Variants in SPDYE16 observed in about 807,000 individuals in gnomAD.
SPDYE16 encodes the protein speedy/RINGO cell cycle regulator family member E16.
In SPDYE16, 5 loss-of-function variants were observed where a neutral mutation model predicts 40.1. The observed-to-expected ratio is 0.12, with a 90% confidence interval of 0.07 to 0.26. SPDYE16 has a LOEUF of 0.26. Ranked by LOEUF, SPDYE16 falls within the 10% of genes least tolerant of loss-of-function variation. SPDYE16 has a pLI of 1.00. For synonymous variants in SPDYE16, 40 were observed against 154.2 expected (o/e 0.26, Z 5.49); for missense variants, 98 against 409.8 (o/e 0.24, Z 6.57).
chr7:76,539,775 C>G (rs1241913919), intron 3 of SPDYE16, among the ~76,000 whole-genome samples: 1 of 113,370 alleles, frequency 8.8e-6, no homozygotes. Flanking sequence ...GGGTTTTGCT[C>G]TGTCACCCAG....
At position 76,541,388 on chromosome 7, in the gene SPDYE16, A is replaced by T. The variant is rs3901999; in HGVS notation, c.72T>A (p.Pro24=). 29 of 1,533,868 alleles carry T rather than the reference A, an allele frequency of 1.9e-5. No individual in the cohort carries two copies. The highest frequency in any genetic ancestry group is 1.3e-4 in the South Asian group (11 of 83,948). Residue 24 remains proline, a synonymous_variant, in exon 2 of 9, where the codon CCT becomes CCA. Coordinates refer to ENST00000633306, the MANE Select transcript of SPDYE16 (RefSeq NM_001394943.1). ...GGGGACTCTGCTCATTCTGGGGGTG[A>T]GGTTGACGGCTGGTCGTGATCTTTC... ...IKGKITTSRQ[P]HPQNEQSPQR...
chr7:76,537,088 T>C (rs781617218), intron 5 of SPDYE16, among the ~76,000 whole-genome samples: 5,064 of 39,632 alleles, frequency 0.13, no homozygotes, highest in East Asian at 0.35. Context: ...GGCTGACGTC[T>C]ATAATCTCAG....
chr7:76,539,081 T>TTTG (rs1813106174), intron 3 of SPDYE16, among the ~76,000 whole-genome samples: 8 of 67,798 alleles, frequency 1.2e-4, no homozygotes, highest in East Asian at 3.9e-4. Context: ...TTTTTTTTTT[T>TTTG]TTGTTGTTGT....
In SPDYE16 at chr7:76,541,454, G is replaced by C; in HGVS notation, c.6C>G (p.Asp2Glu). The C allele has an allele frequency of 6.5e-7, 1 of 1,534,444 alleles. No homozygotes were observed. Among genetic ancestry groups the C allele is most frequent in the South Asian group, 1.2e-5 (1 of 83,934 alleles). ...TCTTACGGAACCTAGTCTCCGTTCTGTCCATGGCCTTCTTCTGGACACTGC... is the reference window on the plus strand; with the variant it reads ...TCTTACGGAACCTAGTCTCCGTTCTCTCCATGGCCTTCTTCTGGACACTGC... Reference protein sequence around the residue: MDRTETRFRKRG... With the variant: MERTETRFRKRG... The change falls in exon 2 of 9, where the codon GAC becomes GAG. Residue 2 changes from aspartate to glutamate, a missense_variant. By Grantham distance (45) the Asp-to-Glu change is conservative. Coordinates refer to ENST00000633306, the MANE Select transcript of SPDYE16 (RefSeq NM_001394943.1).
chr7:76,534,077 T>C lies in SPDYE16; in HGVS notation c.798A>G (p.Lys266=), dbSNP rs1812982602. 6.4e-7 allele frequency: 1 copy of C among 1,569,938 alleles called. No individual in the cohort carries two copies. The highest frequency in any genetic ancestry group is 1.6e-5 in the African/African-American group (1 of 63,148). Residue 266 remains lysine (K), a synonymous_variant, in exon 7 of 9, where the codon AAA becomes AAG. Coordinates refer to ENST00000633306, the MANE Select transcript of SPDYE16 (RefSeq NM_001394943.1). ...CATACAGGAAGTAGAAGATGTTTTGTTTGGGGTCCTCGTCGTCCTCCTCCA... is the reference window on the plus strand; with the variant it reads ...CATACAGGAAGTAGAAGATGTTTTGCTTGGGGTCCTCGTCGTCCTCCTCCA... The part of the protein sequence containing the change: ...NDMEEDDEDP[K]QNIFYFLYGK...
chr7:76,534,687 G>A (rs1225636274), intron 6 of SPDYE16, among the ~76,000 whole-genome samples: 3 of 146,440 alleles, frequency 2.0e-5, no homozygotes, highest in Admixed American at 6.9e-5. Context: ...CCCAGGAGGC[G>A]GAGGTTGCAG....
intron 6 of SPDYE16, among the ~76,000 whole-genome samples, chr7:76,535,698 T>C (rs1813025281): frequency 2.6e-5 from 1 of 38,176 alleles, no homozygotes; most frequent in African/African-American, 1.7e-4. Context: ...TTTTTTGGCT[T>C]TTTTTTTTTT....
chr7:76,541,272 C>A (rs1308804048), intron 2 of SPDYE16, 28 bp downstream of exon 2: 1 of 1,532,740 alleles, frequency 6.5e-7, no homozygotes, highest in African/African-American at 1.4e-5. Flanking sequence ...CAATCCTATC[C>A]CACCTCTTCT....
rs1813179750 is a variant in SPDYE16 at position 76,541,369 on chromosome 7, T to C, written c.91A>G (p.Ser31Gly). The C allele has an allele frequency of 6.5e-6, 10 of 1,534,826 alleles. No individual in the cohort carries two copies. Among genetic ancestry groups the C allele is most frequent in the Non-Finnish European group, 8.7e-6 (10 of 1,146,636 alleles). Residue 31 changes from serine to glycine, a missense_variant, in exon 2 of 9, where the codon AGT becomes GGT. By Grantham distance (56) the Ser-to-Gly change is moderately conservative. Transcript: ENST00000633306. ...TACCCCGAGGTGCTCCGCTGGGGAC[T>C]CTGCTCATTCTGGGGGTGAGGTTGA... ...SRQPHPQNEQSPQRSTSGYSL... is the reference protein window; with the variant it reads ...SRQPHPQNEQGPQRSTSGYSL...
chr7:76,533,294 C>G, intron 8 of SPDYE16: 1 of 665,680 alleles, frequency 1.5e-6, no homozygotes, highest in Non-Finnish European at 1.9e-6. Flanking sequence ...TCACTGAACC[C>G]TCGACCCAAA....
chr7:76,540,932 G>C (rs374209569), intron 2 of SPDYE16, among the ~76,000 whole-genome samples: 1 of 143,824 alleles, frequency 7.0e-6, no homozygotes, highest in Admixed American at 6.9e-5. Context: ...ACCCTCCTCA[G>C]GTTCTCCTTC....
rs1584284798 is a variant in SPDYE16 at position 76,533,937 on chromosome 7, C to T, written c.938G>A (p.Arg313Gln). The T allele has an allele frequency of 1.2e-5, 17 of 1,393,454 alleles. 1 individual carries two copies. The East Asian group carries it at 3.3e-4, about 27-fold the overall frequency. 86.3% of individuals were successfully genotyped at this position (1,393,454 alleles called of 1,614,324 possible). ...RSQIALFQKL[R>Q]FQFFCSMSGR... Reference sequence around the variant, plus strand: ...GCTCATGGAACAGAAGAACTGGAACCGAAGTTTCTGGAACAGGGCTATCTG... The same window carrying T: ...GCTCATGGAACAGAAGAACTGGAACTGAAGTTTCTGGAACAGGGCTATCTG... Residue 313 changes from arginine (R) to glutamine (Q), a missense_variant, in exon 7 of 9, where the codon CGG becomes CAG. Transcript: ENST00000633306.
chr7:76,541,144 A>G (rs1813171591), intron 2 of SPDYE16, among the ~76,000 whole-genome samples, 156 bp downstream of exon 2: 4 of 138,690 alleles, frequency 2.9e-5, no homozygotes, highest in African/African-American at 8.9e-5. Flanking sequence ...GGGTTTCACC[A>G]TATTGGCCAG....
rs1812965503 is a variant in SPDYE16, at chr7:76,533,592, C to T, written c.*45+57G>A. The T allele has an allele frequency of 1.6e-5, 15 of 914,142 alleles. 4 individuals are homozygous for T. Among genetic ancestry groups the T allele is most frequent in the Non-Finnish European group, 2.2e-5 (15 of 687,562 alleles). The allele number at this position is 914,142 out of a possible 1,614,324, so 56.6% of individuals were successfully genotyped here. On this transcript the variant is annotated intron_variant, in intron 8 of 8. Transcript: ENST00000633306. ...AGCCGGATCAAGCAATTGGGTTCCT[C>T]GGATTTCCAAAATAGACCCCAATAT...
chr7:76,539,437 G>T (rs893971904), intron 3 of SPDYE16, among the ~76,000 whole-genome samples: 9 of 78,516 alleles, frequency 1.1e-4, no homozygotes, highest in East Asian at 3.2e-4. Context: ...TTCTGGGCCC[G>T]CCCTTCCTTC....
rs1358676694 is a variant in SPDYE16, at chr7:76,543,204, A to G, written c.-450T>C. Among the ~76,000 whole-genome samples the G allele has an allele frequency of 6.1e-5, 9 of 147,020 alleles. No homozygotes were observed. Among genetic ancestry groups the G allele is most frequent in the Non-Finnish European group, 7.6e-5 (5 of 65,470 alleles). On this transcript the variant is annotated 5_prime_UTR_variant, in exon 1 of 9. An upstream open reading frame in the 5' UTR loses its in-frame stop. Coordinates refer to ENST00000633306, the MANE Select transcript of SPDYE16 (RefSeq NM_001394943.1). Reference sequence around the variant, plus strand: ...CGAGTGAGTTCCCACACGTTTTCCTAATGGGCTGCTGCTTTCCTAGGAGTC... The same window carrying G: ...CGAGTGAGTTCCCACACGTTTTCCTGATGGGCTGCTGCTTTCCTAGGAGTC...
At chr7:76,536,640 A>G (rs1038950033) in intron 5 of SPDYE16, among the ~76,000 whole-genome samples, 1 of 108,620 alleles carries the variant, frequency 9.2e-6, no homozygotes, top group Non-Finnish European at 1.9e-5. Flanking sequence ...TCAGATCCCA[A>G]AGGACCCATA....
chr7:76,541,595 C>T lies in SPDYE16; in HGVS notation c.-136G>A. ...TCTCCAGGCACCACGGAGTCCGGTC[C>T]CTCCAATCAGGAAGGTCGGAATCTC... On this transcript the variant is annotated 5_prime_UTR_variant, in exon 2 of 9. Transcript: ENST00000633306. The T allele has an allele frequency of 1.4e-6, 2 of 1,391,328 alleles. No homozygotes were observed. The highest frequency in any genetic ancestry group is 2.9e-5 in the South Asian group (2 of 68,346). 86.2% of individuals were successfully genotyped at this position (1,391,328 alleles called of 1,614,324 possible).
rs1462439265 is a variant in SPDYE16, at chr7:76,533,462, G to A, written c.*45+187C>T. The A allele has an allele frequency of 4.2e-5, 29 of 695,704 alleles. 6 individuals carry two copies. The highest frequency in any genetic ancestry group is 2.5e-4 in the South Asian group (9 of 36,626). 43.1% of individuals were successfully genotyped at this position (695,704 alleles called of 1,614,324 possible). A position where few individuals can be genotyped will look rare whatever the true frequency, so the allele number is the denominator to read the frequency against. On this transcript the variant is annotated intron_variant, in intron 8 of 8. Transcript: ENST00000633306. ...CCTTCCAGGCTCCAGCGATCCTCCC[G>A]CCTCAGCCTCCTGAGTAGTTGGGAG... is the stretch of plus-strand genomic sequence containing the variant.
Sources: gnomAD v4.1 joint callset for allele counts (sites outside exome capture counted in the v4.1 genomes callset) on GRCh38, gnomAD v4.1.1 for gene constraint, MANE v1.5 for transcripts, NCBI Gene and HGNC (gene_info 2026-07-23, HGNC 2026-07-21) for gene names.